Variants in GRIN2A observed in about 807,000 individuals in gnomAD.
GRIN2A encodes the protein glutamate ionotropic receptor NMDA type subunit 2A.
Under a neutral mutation model 113.4 loss-of-function variants are expected in GRIN2A, and 22 were observed. The observed-to-expected ratio is 0.19, with a 90% CI of 0.14 to 0.28. The LOEUF is 0.28. GRIN2A is among the 10% of genes least tolerant of loss of function. GRIN2A has a pLI of 1.00. For missense variants in GRIN2A, 1,502 were observed against 1,887.0 expected (o/e 0.80, Z 3.78); for synonymous variants, 827 against 738.4 (o/e 1.12, Z -1.94).
intron 4 of GRIN2A, among the ~76,000 whole-genome samples, chr16:9,863,099 T>C (rs1254829476): frequency 1.3e-5 from 2 of 152,230 alleles, no homozygotes; most frequent in Non-Finnish European, 2.9e-5. Context: ...GAATCTGAGC[T>C]TGGACTTCAG....
chr16:10,134,965 T>C (rs2049162006), intron 2 of GRIN2A, among the ~76,000 whole-genome samples: 1 of 152,220 alleles, frequency 6.6e-6, no homozygotes, highest in African/African-American at 2.4e-5. Flanking sequence ...AGCCATACCC[T>C]TTCCTAACAT....
intron 4 of GRIN2A, among the ~76,000 whole-genome samples, chr16:9,884,878 T>C (rs1038950020): frequency 2.0e-5 from 3 of 150,938 alleles, no homozygotes; most frequent in Non-Finnish European, 4.4e-5. Context: ...GCCTTCAGAG[T>C]AGCTGGGACT....
intron 2 of GRIN2A, among the ~76,000 whole-genome samples, chr16:10,110,031 C>T (rs2048582456): frequency 6.6e-6 from 1 of 152,134 alleles, no homozygotes; most frequent in Admixed American, 6.5e-5. Context: ...AGCTATATCT[C>T]CTAATGCTAT....
intron 10 of GRIN2A, among the ~76,000 whole-genome samples, chr16:9,812,959 T>C (rs567771878): frequency 3.3e-4 from 50 of 152,280 alleles, no homozygotes; most frequent in African/African-American, 1.2e-3. Flanking sequence ...AAACCATAAG[T>C]TGTTATAAGA....
chr16:9,808,454 C>T (rs2042023111), intron 10 of GRIN2A, among the ~76,000 whole-genome samples: 1 of 152,168 alleles, frequency 6.6e-6, no homozygotes, highest in African/African-American at 2.4e-5. Context: ...TCTCAGGGGC[C>T]AGAAAACATG....
intron 2 of GRIN2A, among the ~76,000 whole-genome samples, chr16:10,074,341 G>C (rs1335820249): frequency 1.3e-5 from 2 of 152,186 alleles, no homozygotes; most frequent in Admixed American, 6.5e-5. Flanking sequence ...GCTACACATA[G>C]AACTCCTATA....
At position 9,762,229 on chromosome 16, in the gene GRIN2A, T is replaced by C; in HGVS notation, c.*920A>G. 1 of 223,226 alleles carries C rather than the reference T, an allele frequency of 4.5e-6. No homozygotes were observed. 13.8% of individuals were successfully genotyped at this position (223,226 alleles called of 1,614,324 possible). On this transcript the variant is annotated 3_prime_UTR_variant, in exon 13 of 13. Transcript: ENST00000330684. ...ACTCTGGGAGGGAAGGGGTAACAGA[T>C]ACTATACAACCCTGAGTCATCACCA...
At chr16:9,859,651 A>G (rs1050037460) in intron 4 of GRIN2A, among the ~76,000 whole-genome samples, 1 of 150,024 alleles carries the variant, frequency 6.7e-6, no homozygotes, top group Admixed American at 6.6e-5. Flanking sequence ...CACAGAGAGG[A>G]TATGAAGCTA....
intron 2 of GRIN2A, among the ~76,000 whole-genome samples, chr16:10,127,607 C>A (rs537828907): frequency 1.3e-5 from 2 of 152,268 alleles, no homozygotes; most frequent in South Asian, 4.1e-4. Context: ...TCTGTCTCCC[C>A]AGCCTTTTTA....
At chr16:9,774,065 A>C (rs1049675504) in intron 11 of GRIN2A, among the ~76,000 whole-genome samples, 19 of 151,634 alleles carry the variant, frequency 1.3e-4, no homozygotes, top group Non-Finnish European at 1.5e-5. Context: ...TGTGTCTCCA[A>C]CTTGCTTCCA....
At chr16:9,878,203 GAGA>G (rs2043409739) in intron 4 of GRIN2A, among the ~76,000 whole-genome samples, 1 of 152,112 alleles carries the variant, frequency 6.6e-6, no homozygotes. Flanking sequence ...GACTGGGATG[GAGA>G]AGAATGTTCC....
At chr16:10,120,603 G>T (rs1166413771) in intron 2 of GRIN2A, among the ~76,000 whole-genome samples, 18 of 151,816 alleles carry the variant, frequency 1.2e-4, no homozygotes, top group Admixed American at 1.2e-3. Flanking sequence ...ATACAAGGGG[G>T]GTGGATGCAG....
intron 2 of GRIN2A, among the ~76,000 whole-genome samples, chr16:10,155,247 C>T (rs962702209): frequency 1.3e-5 from 2 of 152,172 alleles, no homozygotes; most frequent in African/African-American, 2.4e-5. Flanking sequence ...CAGGAGTTTA[C>T]ATTTTATCTG....
chr16:9,836,885 T>C (rs2042591926), intron 7 of GRIN2A, among the ~76,000 whole-genome samples: 1 of 152,202 alleles, frequency 6.6e-6, no homozygotes, highest in African/African-American at 2.4e-5. Context: ...GGTCAGCATT[T>C]CTTTGGATCA....
chr16:10,157,408 T>C (rs1015877408), intron 2 of GRIN2A, among the ~76,000 whole-genome samples: 5 of 152,228 alleles, frequency 3.3e-5, no homozygotes, highest in Non-Finnish European at 7.3e-5. Flanking sequence ...CACTTGCTAA[T>C]TATTTAAAGG....
At chr16:9,821,997 G>A (rs2042293450) in intron 10 of GRIN2A, among the ~76,000 whole-genome samples, 1 of 152,136 alleles carries the variant, frequency 6.6e-6, no homozygotes, top group Admixed American at 6.5e-5. Flanking sequence ...TATGGAGTTG[G>A]ACAAACTTCT....
At chr16:10,072,797 G>A (rs181801223) in intron 2 of GRIN2A, among the ~76,000 whole-genome samples, 14 of 147,248 alleles carry the variant, frequency 9.5e-5, no homozygotes, top group African/African-American at 3.7e-4. Context: ...CAAGTTATCT[G>A]GGTGATTGTC....
chr16:9,839,166 G>GAAT (rs1332563230), intron 7 of GRIN2A, among the ~76,000 whole-genome samples: 1 of 152,116 alleles, frequency 6.6e-6, no homozygotes, highest in Non-Finnish European at 1.5e-5. Context: ...TGCCAAGGGG[G>GAAT]AATTAGTGAT....
intron 7 of GRIN2A, among the ~76,000 whole-genome samples, chr16:9,837,307 T>C (rs1055144509): frequency 6.6e-6 from 1 of 152,226 alleles, no homozygotes; most frequent in Non-Finnish European, 1.5e-5. Flanking sequence ...GGTTACAATT[T>C]ATTTTACTTT....
Sources: allele counts gnomAD v4.1 joint callset (sites outside exome capture counted in the v4.1 genomes callset), GRCh38; gene constraint gnomAD v4.1.1; transcripts MANE v1.5; gene names NCBI Gene and HGNC (gene_info 2026-07-23, HGNC 2026-07-21).